NRXN3: variants seen among roughly 807,000 people sequenced by gnomAD.
The protein encoded by NRXN3 is neurexin III.
Under a neutral mutation model 137.6 loss-of-function variants are expected in NRXN3, and 32 were observed. The observed-to-expected ratio is 0.23, with a 90% CI of 0.18 to 0.31. The LOEUF is 0.31. Ranked by LOEUF, NRXN3 falls within the 10% of genes least tolerant of loss-of-function variation. The pLI is 1.00. For synonymous variants in NRXN3, 798 were observed against 784.5 expected, an observed-to-expected ratio of 1.02 and a Z score of -0.29; for missense variants, 1,574 against 2,062.5, an observed-to-expected ratio of 0.76 and a Z score of 4.59.
chr14:79,268,789 C>T lies in NRXN3; in HGVS notation c.3263-198432C>T, dbSNP rs140802225. ...GTTACAATCTATGCCTCATTTTCTC[C>T]AATTGTAAAACAGAGATACTTATAA... is the stretch of plus-strand genomic sequence containing the variant. On this transcript the variant is annotated intron_variant, in intron 15 of 20. Coordinates refer to ENST00000335750, the MANE Select transcript of NRXN3 (RefSeq NM_001330195.2). Among the ~76,000 whole-genome samples the T allele has an allele frequency of 5.5e-3, 842 of 152,182 alleles. 9 individuals carry two copies. Among genetic ancestry groups the T allele is most frequent in the African/African-American group, 0.018 (757 of 41,514 alleles).
chr14:79,322,202 C>G (rs969721127), intron 15 of NRXN3, among the ~76,000 whole-genome samples: 2 of 152,172 alleles, frequency 1.3e-5, no homozygotes, highest in African/African-American at 4.8e-5. Context: ...AACAAACTCA[C>G]GAGGAAGTAA....
chr14:78,631,612 G>C (rs2097523691), intron 4 of NRXN3, among the ~76,000 whole-genome samples: 1 of 152,218 alleles, frequency 6.6e-6, no homozygotes, highest in African/African-American at 2.4e-5. Flanking sequence ...TCATTTCAGA[G>C]AGGCTTAATA....
intron 10 of NRXN3, among the ~76,000 whole-genome samples, chr14:78,820,705 G>A (rs549178994): frequency 9.9e-5 from 15 of 152,246 alleles, no homozygotes; most frequent in Non-Finnish European, 1.9e-4. Flanking sequence ...GAAAACAAGA[G>A]AGGCTATCAA....
At chr14:78,637,792 T>C (rs2097579933) in intron 4 of NRXN3, among the ~76,000 whole-genome samples, 2 of 152,242 alleles carry the variant, frequency 1.3e-5, no homozygotes, top group Non-Finnish European at 2.9e-5. Flanking sequence ...TTCAAAATTT[T>C]TTAGCTTTAC....
chr14:79,693,008 T>C (rs17109772), intron 18 of NRXN3, among the ~76,000 whole-genome samples: 9,305 of 152,066 alleles, frequency 0.061, 330 homozygotes, highest in South Asian at 0.098. Flanking sequence ...AAAAGGTTCA[T>C]GAAAGGCAAA....
At chr14:78,873,950 C>T (rs1267512284) in intron 10 of NRXN3, among the ~76,000 whole-genome samples, 1 of 151,504 alleles carries the variant, frequency 6.6e-6, no homozygotes, top group African/African-American at 2.4e-5. Flanking sequence ...ATCATAGGCA[C>T]CATGTGAAGT....
chr14:78,827,718 C>T (rs567377355), intron 10 of NRXN3, among the ~76,000 whole-genome samples: 89 of 152,322 alleles, frequency 5.8e-4, no homozygotes, highest in Non-Finnish European at 1.1e-3. Context: ...ATTTGGGGCA[C>T]TGCAGTGGGA....
intron 15 of NRXN3, among the ~76,000 whole-genome samples, chr14:79,085,558 C>A (rs1280054229): frequency 6.6e-6 from 1 of 152,082 alleles, no homozygotes; most frequent in Non-Finnish European, 1.5e-5. Flanking sequence ...AAAAATCAAA[C>A]TTACCTCCTA....
In NRXN3 at chr14:78,966,213, C is replaced by T. The variant is rs1275495927; in HGVS notation, c.2584C>T (p.Arg862Cys). Reference sequence around the variant, plus strand: ...CATTGATTATTGTGAGCTGAAGGCTCGTTTTGGACTGAGGAACATCATCGC... The same window carrying T: ...CATTGATTATTGTGAGCTGAAGGCTTGTTTTGGACTGAGGAACATCATCGC... ...GDIDYCELKARFGLRNIIADP... is the reference protein window; with the variant it reads ...GDIDYCELKACFGLRNIIADP... The change falls in exon 12 of 21, where the codon CGT (arginine) becomes TGT (cysteine). Residue 862 changes from arginine (R) to cysteine (C), a missense_variant. Arg to Cys is a radical substitution (Grantham distance 180). This residue lies in a region of NRXN3 where 718 missense variants were observed against 887.6 expected (regional missense o/e 0.81). Transcript: ENST00000335750. 5 of 1,614,038 alleles carry T rather than the reference C, an allele frequency of 3.1e-6. No homozygotes were observed. The highest frequency in any genetic ancestry group is 3.4e-6 in the Non-Finnish European group (4 of 1,180,044).
chr14:79,253,285 G>A (rs541728450), intron 15 of NRXN3, among the ~76,000 whole-genome samples: 63 of 152,280 alleles, frequency 4.1e-4, no homozygotes, highest in Non-Finnish European at 7.4e-4. Flanking sequence ...ACCACTACTC[G>A]TAGATAGACA....
At chr14:79,850,509 T>G (rs1474885633) in intron 20 of NRXN3, among the ~76,000 whole-genome samples, 1 of 152,202 alleles carries the variant, frequency 6.6e-6, no homozygotes, top group East Asian at 1.9e-4. Context: ...CCAAGATGAA[T>G]TCTAACAACT....
chr14:79,807,882 G>C (rs1283539256), intron 20 of NRXN3, among the ~76,000 whole-genome samples: 2 of 152,106 alleles, frequency 1.3e-5, no homozygotes, highest in Admixed American at 1.3e-4. Flanking sequence ...TACGTCAGTG[G>C]TATATTTAAT....
At chr14:79,565,313 A>ATG (rs2097539521) in intron 16 of NRXN3, among the ~76,000 whole-genome samples, 1 of 129,330 alleles carries the variant, frequency 7.7e-6, no homozygotes, top group Non-Finnish European at 1.8e-5. Context: ...ACATATACAC[A>ATG]CACATGTGTG....
chr14:78,692,314 C>T (rs1330490799), intron 6 of NRXN3, among the ~76,000 whole-genome samples: 2 of 152,208 alleles, frequency 1.3e-5, no homozygotes, highest in African/African-American at 4.8e-5. Flanking sequence ...CCCAGGGTCC[C>T]TCCCTATTCT....
chr14:78,999,952 C>A (rs1449713519), intron 15 of NRXN3, among the ~76,000 whole-genome samples: 1 of 152,044 alleles, frequency 6.6e-6, no homozygotes, highest in African/African-American at 2.4e-5. Flanking sequence ...TTTATGTTGA[C>A]CAAAATCAGT....
At chr14:79,652,377 A>ATGAG (rs1224749177) in intron 16 of NRXN3, among the ~76,000 whole-genome samples, 1 of 147,834 alleles carries the variant, frequency 6.8e-6, no homozygotes, top group East Asian at 1.9e-4. Flanking sequence ...CATATTGTGT[A>ATGAG]TGAGTTCACT....
At chr14:78,942,559 G>T (rs2099355168) in intron 10 of NRXN3, among the ~76,000 whole-genome samples, 1 of 152,114 alleles carries the variant, frequency 6.6e-6, no homozygotes, top group Non-Finnish European at 1.5e-5. Flanking sequence ...GTAGAGAAAG[G>T]AAGAGAAAAA....
rs573443929 is a variant in NRXN3, at chr14:79,037,505, C to T, written c.3262+49364C>T. ...GGGATGATTTCTGGTCACTTAAAAT[C>T]GGGGTGAAGCAAGGATGGAGGTTGT... is the stretch of plus-strand genomic sequence containing the variant. On this transcript the variant is annotated intron_variant, in intron 15 of 20. Coordinates refer to ENST00000335750, the MANE Select transcript of NRXN3 (RefSeq NM_001330195.2). Among the ~76,000 whole-genome samples the T allele has an allele frequency of 2.6e-5, 4 of 152,136 alleles. No individual in the cohort carries two copies. The South Asian group carries it at 8.3e-4, about 32-fold the overall frequency.
chr14:79,793,285 T>A (rs1043630239), intron 19 of NRXN3, among the ~76,000 whole-genome samples: 2 of 149,348 alleles, frequency 1.3e-5, no homozygotes, highest in Non-Finnish European at 3.0e-5. Flanking sequence ...CAAAAAAAAA[T>A]CAGCCGGGCG....
Sources: allele counts gnomAD v4.1 joint callset (sites outside exome capture counted in the v4.1 genomes callset), GRCh38; gene constraint gnomAD v4.1.1; regional missense constraint gnomAD v4.1.1; transcripts MANE v1.5; gene names NCBI Gene and HGNC (gene_info 2026-07-23, HGNC 2026-07-21).